Variants in HS3ST5 observed in about 807,000 individuals in gnomAD.
The protein encoded by HS3ST5 is heparan sulfate glucosamine 3-O-sulfotransferase 5.
HS3ST5 carries 10 observed loss-of-function variants against 25.4 expected under a neutral mutation model. That is an observed-to-expected ratio of 0.39 (90% CI 0.24 to 0.67). The LOEUF is 0.67. HS3ST5 is among the 30% of genes least tolerant of loss of function. The pLI is 0.44. For missense variants in HS3ST5, 324 were observed against 420.7 expected, an observed-to-expected ratio of 0.77 and a Z score of 2.01; for synonymous variants, 170 against 162.4, an observed-to-expected ratio of 1.05 and a Z score of -0.36.
intron 2 of HS3ST5, among the ~76,000 whole-genome samples, chr6:114,207,571 C>T (rs1020835690): frequency 3.2e-4 from 48 of 152,174 alleles, no homozygotes; most frequent in African/African-American, 1.2e-3. Context: ...GCATTCTCAG[C>T]GAGAAGTCCA....
intron 1 of HS3ST5, among the ~76,000 whole-genome samples, chr6:114,263,128 C>T (rs1442449762): frequency 6.6e-6 from 1 of 152,042 alleles, no homozygotes; most frequent in African/African-American, 2.4e-5. Flanking sequence ...AAGTGACTCC[C>T]ATGTTTACAA....
chr6:114,190,673 TG>T (rs1477936428), intron 2 of HS3ST5, among the ~76,000 whole-genome samples: 2 of 152,192 alleles, frequency 1.3e-5, no homozygotes, highest in Non-Finnish European at 2.9e-5. Flanking sequence ...TCTCCTTATG[TG>T]AATAAGTTTC....
At chr6:114,071,616 T>C (rs962607) in intron 3 of HS3ST5, among the ~76,000 whole-genome samples, 137,465 of 152,226 alleles carry the variant, frequency 0.9, 62,230 homozygotes, top group African/African-American at 0.95. Context: ...GCTGAATAAT[T>C]CAATCAGTTA....
At chr6:114,321,183 C>G (rs1215113087) in intron 1 of HS3ST5, among the ~76,000 whole-genome samples, 1 of 152,048 alleles carries the variant, frequency 6.6e-6, no homozygotes, top group Non-Finnish European at 1.5e-5. Flanking sequence ...TGCTCCACTT[C>G]CGCCTAATAG....
At chr6:114,330,242 T>C (rs563358865) in intron 1 of HS3ST5, among the ~76,000 whole-genome samples, 2 of 152,174 alleles carry the variant, frequency 1.3e-5, no homozygotes, top group South Asian at 4.2e-4. Context: ...AAAATAAACA[T>C]GGATAATGGT....
intron 1 of HS3ST5, among the ~76,000 whole-genome samples, chr6:114,247,220 G>C (rs1030664811): frequency 6.6e-6 from 1 of 152,120 alleles, no homozygotes; most frequent in African/African-American, 2.4e-5. Flanking sequence ...TGGTTCTTCA[G>C]CTTTCATGAA....
intron 1 of HS3ST5, among the ~76,000 whole-genome samples, chr6:114,325,195 A>C (rs189330447): frequency 6.6e-6 from 1 of 152,280 alleles, no homozygotes; most frequent in African/African-American, 2.4e-5. Flanking sequence ...CCCAAACCTC[A>C]TCAACTTGGT....
At chr6:114,083,446 T>C (rs1310032274) in intron 3 of HS3ST5, among the ~76,000 whole-genome samples, 1 of 151,130 alleles carries the variant, frequency 6.6e-6, no homozygotes, top group Non-Finnish European at 1.5e-5. Context: ...GGAGTGGGGG[T>C]TGGGGATCGG....
chr6:114,079,968 G>C (rs1582575332), intron 3 of HS3ST5, among the ~76,000 whole-genome samples: 2 of 152,104 alleles, frequency 1.3e-5, no homozygotes, highest in Admixed American at 1.3e-4. Flanking sequence ...GTAGAGATAG[G>C]GTTTCTCCAT....
chr6:114,097,082 C>T (rs1018484192), intron 3 of HS3ST5, among the ~76,000 whole-genome samples: 2 of 151,864 alleles, frequency 1.3e-5, no homozygotes, highest in African/African-American at 4.8e-5. Flanking sequence ...ACTTTTCTTC[C>T]TGAGTAATAC....
intron 3 of HS3ST5, among the ~76,000 whole-genome samples, chr6:114,067,653 A>C (rs979129998): frequency 1.3e-5 from 2 of 152,042 alleles, no homozygotes; most frequent in Non-Finnish European, 2.9e-5. Context: ...AGGAGACCTG[A>C]TTTCTCCAGC....
chr6:114,340,380 GT>G (rs2114945277), intron 1 of HS3ST5: 2 of 152,314 alleles, frequency 1.3e-5, no homozygotes, highest in African/African-American at 4.8e-5. Context: ...AAAAAAGAGT[GT>G]TTCTAAAAGG....
intron 1 of HS3ST5, among the ~76,000 whole-genome samples, chr6:114,322,025 G>T (rs534364954): frequency 6.6e-6 from 1 of 152,116 alleles, no homozygotes; most frequent in African/African-American, 2.4e-5. Flanking sequence ...ATAGTATGTG[G>T]CTTTTTTCAT....
chr6:114,204,312 A>T (rs576519545), intron 2 of HS3ST5, among the ~76,000 whole-genome samples: 11 of 152,328 alleles, frequency 7.2e-5, no homozygotes, highest in African/African-American at 2.6e-4. Flanking sequence ...TCAAAATGCC[A>T]CACTTTGAGG....
In HS3ST5 at chr6:114,281,444, A is replaced by G. The variant is rs900119985; in HGVS notation, c.-338-52666T>C. ...CAAATGCTTTTTGGTAAGCTTTTACATAGCTTGACAACAATAAAATTCTTT... is the reference window on the plus strand; with the variant it reads ...CAAATGCTTTTTGGTAAGCTTTTACGTAGCTTGACAACAATAAAATTCTTT... On this transcript the variant is annotated intron_variant, in intron 1 of 4. Transcript: ENST00000312719. Among the ~76,000 whole-genome samples the G allele has an allele frequency of 3.6e-4, 55 of 152,030 alleles. 1 individual carries two copies. The highest frequency in any genetic ancestry group is 3.6e-3 in the Admixed American group (55 of 15,250).
intron 2 of HS3ST5, among the ~76,000 whole-genome samples, chr6:114,177,932 G>A (rs1470932752): frequency 6.6e-6 from 1 of 152,160 alleles, no homozygotes; most frequent in Non-Finnish European, 1.5e-5. Flanking sequence ...AGAGGAAAAG[G>A]AATTCAAAAC....
intron 1 of HS3ST5, among the ~76,000 whole-genome samples, chr6:114,285,190 T>A (rs1019582546): frequency 1.3e-5 from 2 of 151,970 alleles, no homozygotes; most frequent in Non-Finnish European, 2.9e-5. Context: ...AATGAATGTA[T>A]TAAAAATGTG....
intron 1 of HS3ST5, among the ~76,000 whole-genome samples, chr6:114,249,475 G>T (rs1772540817): frequency 6.6e-6 from 1 of 152,212 alleles, no homozygotes; most frequent in Admixed American, 6.5e-5. Context: ...TCCTCTCTGG[G>T]TATGAAGATG....
intron 1 of HS3ST5, among the ~76,000 whole-genome samples, chr6:114,315,407 T>C (rs1388099892): frequency 1.3e-5 from 2 of 152,140 alleles, no homozygotes; most frequent in East Asian, 1.9e-4. Flanking sequence ...TTTTAGTCTT[T>C]CAACAAACTA....
Sources: allele counts gnomAD v4.1 joint callset (sites outside exome capture counted in the v4.1 genomes callset), GRCh38; gene constraint gnomAD v4.1.1; transcripts MANE v1.5; gene names NCBI Gene and HGNC (gene_info 2026-07-23, HGNC 2026-07-21).